The following POGZ variants were observed in gnomAD, a reference collection of about 807,000 sequenced individuals.
The protein encoded by POGZ is pogo transposable element with ZNF domain.
Under a neutral mutation model 134.6 loss-of-function variants are expected in POGZ, and 17 were observed. The ratio of observed to expected loss-of-function variants is 0.13; its 90% CI spans 0.09 to 0.19. POGZ has a LOEUF of 0.19. Ranked by LOEUF, POGZ falls within the 10% of genes least tolerant of loss-of-function variation. The pLI is 1.00. For missense variants in POGZ, 1,306 were observed against 1,769.7 expected, an observed-to-expected ratio of 0.74 and a Z score of 4.70; for synonymous variants, 693 against 657.1, an observed-to-expected ratio of 1.05 and a Z score of -0.84.
At chr1:151,438,309 C>A (rs1316845420) in intron 3 of POGZ, among the ~76,000 whole-genome samples, 1 of 151,758 alleles carries the variant, frequency 6.6e-6, no homozygotes, top group Admixed American at 6.6e-5. Context: ...ATAAATTAGA[C>A]AACTGCAATT....
intron 3 of POGZ, among the ~76,000 whole-genome samples, chr1:151,433,053 GAAAAT>G (rs1054172651): frequency 2.0e-5 from 3 of 152,048 alleles, no homozygotes; most frequent in Non-Finnish European, 1.5e-5. Context: ...TAGGACAAAA[GAAAAT>G]AAATTATCTC....
chr1:151,420,611 C>T (rs1301724692), intron 10 of POGZ, among the ~76,000 whole-genome samples: 3 of 151,976 alleles, frequency 2.0e-5, no homozygotes, highest in Admixed American at 6.6e-5. Flanking sequence ...GCACCTGGCC[C>T]GGTTGATTCT....
At chr1:151,409,996 TCA>T (rs997622640) in intron 12 of POGZ, among the ~76,000 whole-genome samples, 1 of 152,178 alleles carries the variant, frequency 6.6e-6, no homozygotes, top group Non-Finnish European at 1.5e-5. Context: ...CAATCAGCAG[TCA>T]CTACTGTGCA....
intron 1 of POGZ, among the ~76,000 whole-genome samples, chr1:151,455,638 A>T (rs1210330007): frequency 1.3e-5 from 2 of 152,232 alleles, no homozygotes; most frequent in Admixed American, 1.3e-4. Flanking sequence ...CATAAATAAC[A>T]TTTCAACAAA....
intron 10 of POGZ, among the ~76,000 whole-genome samples, chr1:151,413,383 C>T (rs7546933): frequency 0.64 from 97,190 of 151,774 alleles, 34,690 homozygotes; most frequent in Non-Finnish European, 0.82. Flanking sequence ...CCACTTCAGT[C>T]TCCCAAAGTG....
At chr1:151,436,373 G>A (rs145564927) in intron 3 of POGZ, among the ~76,000 whole-genome samples, 267 of 152,154 alleles carry the variant, frequency 1.8e-3, no homozygotes, top group African/African-American at 5.9e-3. Context: ...CTCTCTCTGT[G>A]GACTTGCCTA....
intron 17 of POGZ, 29 bp downstream of exon 17, chr1:151,406,882 C>T: frequency 6.5e-7 from 1 of 1,537,794 alleles, no homozygotes; most frequent in African/African-American, 1.4e-5. Context: ...CCTCCCCTTG[C>T]TCAACTAATC....
chr1:151,406,167 C>G lies in POGZ; in HGVS notation c.2868G>C (p.Glu956Asp). 6.2e-7 allele frequency: 1 copy of G among 1,614,106 alleles called. No individual in the cohort carries two copies. The highest frequency in any genetic ancestry group is 8.5e-7 in the Non-Finnish European group (1 of 1,179,932). The change falls in exon 19 of 19, where the codon GAG becomes GAC. Residue 956 changes from glutamate to aspartate, a missense_variant. Glu to Asp is a conservative substitution (Grantham distance 45, BLOSUM62 2). Transcript: ENST00000271715. ...DEGSPVTQEP[E>D]LASGGGGSGG... The stretch of plus-strand genomic sequence containing the variant: ...CACTACCACCACCACCTGATGCTAG[C>G]TCAGGTTCTTGGGTGACTGGGCTCC...
chr1:151,434,772 C>T (rs776923078), intron 3 of POGZ, among the ~76,000 whole-genome samples: 7 of 151,746 alleles, frequency 4.6e-5, no homozygotes, highest in African/African-American at 7.3e-5. Flanking sequence ...TTAGTAGAGA[C>T]GGGGTTTTAC....
intron 1 of POGZ, among the ~76,000 whole-genome samples, chr1:151,451,388 G>A (rs1662060260): frequency 6.6e-6 from 1 of 151,666 alleles, no homozygotes. Flanking sequence ...GCCCAATGGC[G>A]CGATCTCAGC....
In POGZ at chr1:151,427,853, T is replaced by G. The variant is rs376617645; in HGVS notation, c.1048A>C (p.Arg350=). 1 of 1,613,938 alleles carries G rather than the reference T, an allele frequency of 6.2e-7. No homozygotes were observed. The highest frequency in any genetic ancestry group is 8.5e-7 in the Non-Finnish European group (1 of 1,179,808). The change falls in exon 7 of 19, where the codon AGA becomes CGA. Residue 350 remains arginine, a synonymous_variant. Coordinates refer to ENST00000271715, the MANE Select transcript of POGZ (RefSeq NM_015100.4). ...ATTGAAGACTCAGGTCCGCTGGTTC[T>G]TTGAGAGCCATGAGCAGAGCTGTTG... ...SNNSSAHGSQ[R]TSGPESSMKV...
At chr1:151,454,966 G>C (rs1261465988) in intron 1 of POGZ, 4 of 152,130 alleles carry the variant, frequency 2.6e-5, no homozygotes, top group African/African-American at 9.7e-5. Flanking sequence ...AATTACCCAG[G>C]TGTGGTGGCG....
rs1223991118 is a variant in POGZ at position 151,411,722 on chromosome 1, C to T, written c.1829G>A (p.Arg610Gln). The change falls in exon 12 of 19, where the codon CGG becomes CAG. Residue 610 changes from arginine to glutamine, a missense_variant. Coordinates refer to ENST00000271715, the MANE Select transcript of POGZ (RefSeq NM_015100.4). ...ATGCCGGGTATCCTCATGGATCATC[C>T]GAAAATGGACATCTACCTCAGAGTA... The part of the protein sequence containing the change: ...SLYSEVDVHF[R>Q]MIHEDTRHLL... 5.6e-6 allele frequency: 9 copies of T among 1,613,152 alleles called. No individual in the cohort carries two copies. The highest frequency in any genetic ancestry group is 5.9e-6 in the Non-Finnish European group (7 of 1,179,540).
rs532387862 is a variant in POGZ at position 151,420,175 on chromosome 1, A to G, written c.1678+3222T>C. ...TGCACCCCAGCCTGGGTGGCAGAGC[A>G]AGACCCTGTTGTCTCAAAAAACTGG... On this transcript the variant is annotated intron_variant, in intron 10 of 18. Transcript: ENST00000271715. Among the ~76,000 whole-genome samples the G allele has an allele frequency of 4.6e-5, 7 of 152,294 alleles. No individual in the cohort carries two copies. In the East Asian group the frequency reaches 1.4e-3, roughly 29 times the overall value.
chr1:151,451,638 T>G (rs1017276618), intron 1 of POGZ, among the ~76,000 whole-genome samples: 1 of 151,760 alleles, frequency 6.6e-6, no homozygotes, highest in Admixed American at 6.7e-5. Context: ...AATCCATTAT[T>G]TAAATGTAAC....
chr1:151,406,709 C>A, intron 17 of POGZ, 78 bp from the exon 18 acceptor site: 1 of 1,247,546 alleles, frequency 8.0e-7, no homozygotes, highest in Non-Finnish European at 1.2e-6. Context: ...TGGGATTCAA[C>A]TTACTACATA....
intron 1 of POGZ, chr1:151,454,998 T>C (rs1193856045): frequency 1.3e-5 from 2 of 151,466 alleles, no homozygotes; most frequent in Admixed American, 1.3e-4. Flanking sequence ...TCCCAGCTAC[T>C]GAGGAAGCTG....
chr1:151,424,709 T>C (rs1455181210), intron 8 of POGZ, among the ~76,000 whole-genome samples: 1 of 152,254 alleles, frequency 6.6e-6, no homozygotes, highest in Non-Finnish European at 1.5e-5. Context: ...AAACCTGTTC[T>C]CCTGTGTGGT....
intron 10 of POGZ, among the ~76,000 whole-genome samples, chr1:151,416,770 C>G (rs1267987705): frequency 6.6e-6 from 1 of 151,568 alleles, no homozygotes; most frequent in Non-Finnish European, 1.5e-5. Flanking sequence ...GCTACAGGCA[C>G]AAGCCACCAC....
Sources: allele counts gnomAD v4.1 joint callset (sites outside exome capture counted in the v4.1 genomes callset), GRCh38; gene constraint gnomAD v4.1.1; transcripts MANE v1.5; gene names NCBI Gene and HGNC (gene_info 2026-07-23, HGNC 2026-07-21).